Variants in TNC observed in about 807,000 individuals in gnomAD.
TNC encodes tenascin C.
Under a neutral mutation model 202.4 loss-of-function variants are expected in TNC, and 109 were observed. That is an observed-to-expected ratio of 0.54 (90% CI 0.46 to 0.63). TNC has a LOEUF of 0.63. Ranked by LOEUF, TNC falls within the 30% of genes least tolerant of loss-of-function variation. The pLI is 0.00. For synonymous variants in TNC, 1,007 were observed against 1,089.7 expected, an observed-to-expected ratio of 0.92 and a Z score of 1.50; for missense variants, 2,756 against 2,833.3, an observed-to-expected ratio of 0.97 and a Z score of 0.62.
intron 26 of TNC, among the ~76,000 whole-genome samples, chr9:115,024,678 T>G (rs1281498359): frequency 1.3e-5 from 2 of 152,228 alleles, no homozygotes; most frequent in Non-Finnish European, 2.9e-5. Flanking sequence ...TATTTATTAG[T>G]CATAATTAAG....
At chr9:115,073,580 G>T in intron 10 of TNC, 23 bp downstream of exon 10, 1 of 1,602,056 alleles carries the variant, frequency 6.2e-7, no homozygotes, top group Non-Finnish European at 8.5e-7. Context: ...CTAGAGTTTG[G>T]AGGAAGCTCA....
In TNC at chr9:115,082,730, T is replaced by C. The variant is rs762567109; in HGVS notation, c.2209A>G (p.Ile737Val). Residue 737 changes from isoleucine (I) to valine (V), a missense_variant, in exon 5 of 28, where the codon ATT becomes GTT. This residue lies in a region of TNC where 2,559 missense variants were observed against 2,546.0 expected (regional missense o/e 1.01). Transcript: ENST00000350763. ...ATGATCTCCCAGGTTTCAAAAGCAA[T>C]GTCTAGAGGATCCCACTCCACTTCC... ...SVEVEWDPLD[I>V]AFETWEIIFR... The C allele has an allele frequency of 6.2e-7, 1 of 1,614,122 alleles. No homozygotes were observed. Among genetic ancestry groups the C allele is most frequent in the Admixed American group, 1.7e-5 (1 of 60,024 alleles).
In TNC at chr9:115,019,924, T is replaced by C. The variant is rs1021306453; in HGVS notation, c.*1233A>G. 3.3e-5 allele frequency: 5 copies of C among 152,228 alleles called. No homozygotes were observed. The highest frequency in any genetic ancestry group is 9.6e-5 in the African/African-American group (4 of 41,470). 9.4% of individuals were successfully genotyped at this position (152,228 alleles called of 1,614,324 possible). A position where few individuals can be genotyped will look rare whatever the true frequency, so the allele number is the denominator to read the frequency against. On this transcript the variant is annotated 3_prime_UTR_variant, in exon 28 of 28. Coordinates refer to ENST00000350763, the MANE Select transcript of TNC (RefSeq NM_002160.4). ...AACAATACTTACCTCAACTATATCA[T>C]AGAGTTTCTAGGAGTTGCATTAGAA... is the stretch of plus-strand genomic sequence containing the variant.
Position 115,046,796 on chromosome 9 carries a change from A to G in TNC, c.4853-114T>C, listed in dbSNP as rs1411919218. Reference sequence around the variant, plus strand: ...TGTAGTGATGCCCCGGCTTTCAGAGATAGAAGTGTCCTGAGATACCAAAAA... The same window carrying G: ...TGTAGTGATGCCCCGGCTTTCAGAGGTAGAAGTGTCCTGAGATACCAAAAA... On this transcript the variant is annotated intron_variant, in intron 16 of 27. Transcript: ENST00000350763. 8.9e-6 allele frequency: 11 copies of G among 1,239,282 alleles called. No homozygotes were observed. The Admixed American group carries it at 1.9e-4, about 21-fold the overall frequency. The allele number at this position is 1,239,282 out of a possible 1,614,324, so 76.8% of individuals were successfully genotyped here.
intron 14 of TNC, among the ~76,000 whole-genome samples, chr9:115,058,556 C>A (rs747963687): frequency 2.0e-5 from 3 of 152,284 alleles, no homozygotes; most frequent in Middle Eastern, 6.8e-3. Flanking sequence ...TTCAGAGTAG[C>A]CTCGGCTGCA....
chr9:115,047,039 G>A (rs1027397891), intron 16 of TNC, among the ~76,000 whole-genome samples: 6 of 152,032 alleles, frequency 3.9e-5, no homozygotes, highest in African/African-American at 1.2e-4. Context: ...TCTTCCAGTG[G>A]CTGAGTGCCC....
At chr9:115,076,248 T>C in intron 8 of TNC, 127 bp from the exon 9 acceptor site, 1 of 1,392,598 alleles carries the variant, frequency 7.2e-7, no homozygotes, top group Non-Finnish European at 1.0e-6. Flanking sequence ...ACAAAAGAAC[T>C]CACTGCAATC....
intron 9 of TNC, among the ~76,000 whole-genome samples, 195 bp from the exon 10 acceptor site, chr9:115,074,061 C>T (rs1434451628): frequency 6.6e-6 from 1 of 152,078 alleles, no homozygotes; most frequent in African/African-American, 2.4e-5. Flanking sequence ...CCCACATGAC[C>T]CCATCGGAGT....
chr9:115,065,056 C>G, intron 10 of TNC, 137 bp from the exon 11 acceptor site: 1 of 909,472 alleles, frequency 1.1e-6, no homozygotes, highest in Admixed American at 2.6e-5. Flanking sequence ...ACTGCATCCC[C>G]TACTGGTGCT....
chr9:115,029,335 A>G, intron 25 of TNC, 25 bp downstream of exon 25: 1 of 1,605,294 alleles, frequency 6.2e-7, no homozygotes, highest in Non-Finnish European at 8.5e-7. Flanking sequence ...GGCATTTTAG[A>G]TATAAACATG....
intron 17 of TNC, among the ~76,000 whole-genome samples, chr9:115,044,849 T>A (rs1056725824): frequency 5.3e-5 from 8 of 152,160 alleles, no homozygotes; most frequent in Non-Finnish European, 1.5e-5. Context: ...CAAATACTGA[T>A]TATTATTTTT....
chr9:115,025,180 C>A (rs1040943556), intron 26 of TNC, among the ~76,000 whole-genome samples: 2 of 152,204 alleles, frequency 1.3e-5, no homozygotes, highest in African/African-American at 4.8e-5. Context: ...CACATTCCTG[C>A]TGCTTAATGA....
chr9:115,038,406 G>A, intron 19 of TNC, 26 bp from the exon 20 acceptor site: 3 of 1,612,124 alleles, frequency 1.9e-6, no homozygotes, highest in African/African-American at 2.7e-5. Flanking sequence ...GTGGACAGGA[G>A]GGAAGTCATT....
intron 24 of TNC, among the ~76,000 whole-genome samples, 200 bp from the exon 25 acceptor site, chr9:115,029,656 A>G (rs1187091556): frequency 6.6e-6 from 1 of 152,146 alleles, no homozygotes; most frequent in Non-Finnish European, 1.5e-5. Context: ...GATTAAAAAT[A>G]CCACCCAGTT....
intron 13 of TNC, among the ~76,000 whole-genome samples, chr9:115,062,195 C>T (rs550918670): frequency 1.3e-4 from 20 of 152,280 alleles, no homozygotes; most frequent in South Asian, 1.0e-3. Context: ...ACGTGATGGG[C>T]GCTTTACTAA....
chr9:115,085,909 G>A lies in TNC; in HGVS notation c.1822C>T (p.Arg608Cys), dbSNP rs138819573. 1.0e-4 allele frequency: 162 copies of A among 1,612,520 alleles called. No homozygotes were observed. Among genetic ancestry groups the A allele is most frequent in the Non-Finnish European group, 1.2e-4 (147 of 1,178,880 alleles). ...CTGTAGCCCTCGTTGCAGATGCAGC[G>A]GCCCGAGACGCATTGTCCTAAGTTG... ...CNNLGQCVSG[R>C]CICNEGYSGE... Residue 608 changes from arginine (R) to cysteine (C), a missense_variant, in exon 3 of 28, where the codon CGC (arginine) becomes TGC (cysteine). Arg to Cys is a radical substitution (Grantham distance 180). This residue lies in a region of TNC where 2,559 missense variants were observed against 2,546.0 expected (regional missense o/e 1.01). Coordinates refer to ENST00000350763, the MANE Select transcript of TNC (RefSeq NM_002160.4).
At chr9:115,026,436 T>C in intron 26 of TNC, 98 bp downstream of exon 26, 2 of 1,310,346 alleles carry the variant, frequency 1.5e-6, no homozygotes, top group South Asian at 1.4e-5. Flanking sequence ...AATAAATTGC[T>C]GGATTAATGA....
intron 22 of TNC, among the ~76,000 whole-genome samples, chr9:115,032,079 C>T (rs1209935748): frequency 6.6e-6 from 1 of 151,754 alleles, no homozygotes; most frequent in African/African-American, 2.4e-5. Context: ...GCCATGGGGC[C>T]CAGATATTTG....
Position 115,081,801 on chromosome 9 carries a change from C to A in TNC, c.2375G>T (p.Gly792Val). The change falls in exon 6 of 28, where the codon GGC becomes GTC. Residue 792 changes from glycine (G) to valine (V), a missense_variant. Gly to Val is a moderately radical substitution (Grantham distance 109, BLOSUM62 -3). Transcript: ENST00000350763. ...SLHIVKNNTR[G>V]PGLKRVTTTR... ...GGTGGTCACCCTCTTCAGGCCAGGG[C>A]CCCGGGTATTGTTTTTCACTATGTG... 6.2e-7 allele frequency: 1 copy of A among 1,613,660 alleles called. No individual in the cohort carries two copies. The highest frequency in any genetic ancestry group is 8.5e-7 in the Non-Finnish European group (1 of 1,179,882).
Sources: gnomAD v4.1 joint callset for allele counts (sites outside exome capture counted in the v4.1 genomes callset) on GRCh38, gnomAD v4.1.1 for gene constraint, gnomAD v4.1.1 regional missense constraint, MANE v1.5 for transcripts, NCBI Gene and HGNC (gene_info 2026-07-23, HGNC 2026-07-21) for gene names.